The following P2RX7 variants were observed in gnomAD, a reference collection of about 807,000 sequenced individuals.
P2RX7 encodes the protein purinergic receptor P2X 7, also known as P2X purinoceptor 7.
P2RX7 carries 62 observed loss-of-function variants against 71.6 expected under a neutral mutation model. The observed-to-expected ratio is 0.87, with a 90% CI of 0.71 to 1.07. The LOEUF (loss-of-function observed/expected upper bound fraction) is 1.07. Among genes scored for constraint, P2RX7 ranks in the 50% least tolerant of loss-of-function variants. The pLI, the probability that P2RX7 is intolerant of heterozygous loss-of-function variation, is 0.00. For missense variants in P2RX7, 686 were observed against 748.5 expected (o/e 0.92, Z 0.97); for synonymous variants, 299 against 283.3 (o/e 1.06, Z -0.56).
At position 121,167,297 on chromosome 12, in the gene P2RX7, G is replaced by C. The variant is rs558000955; in HGVS notation, c.745-191G>C. Among the ~76,000 whole-genome samples the C allele has an allele frequency of 3.9e-5, 6 of 152,240 alleles. No homozygotes were observed. The South Asian group carries it at 1.0e-3, about 26-fold the overall frequency. On this transcript the variant is annotated intron_variant, in intron 7 of 12. Transcript: ENST00000328963. ...GTGATGTGTCCCAGACGGGGGTAGG[G>C]AGAGTGAGGAGATGCGATTGTGGCT...
chr12:121,158,322 G>A (rs1878991952), intron 3 of P2RX7, among the ~76,000 whole-genome samples: 1 of 152,178 alleles, frequency 6.6e-6, no homozygotes, highest in East Asian at 1.9e-4. Context: ...TCAAGGAGCT[G>A]CAGTCAGATG....
chr12:121,181,304 C>G (rs1025145977), intron 12 of P2RX7, among the ~76,000 whole-genome samples: 5 of 152,202 alleles, frequency 3.3e-5, no homozygotes, highest in African/African-American at 1.2e-4. Flanking sequence ...AGCCATCCTA[C>G]TGTTGATGGA....
At position 121,167,480 on chromosome 12, in the gene P2RX7, T is replaced by A; in HGVS notation, c.745-8T>A. The A allele has an allele frequency of 2.5e-6, 4 of 1,613,798 alleles. No homozygotes were observed. The highest frequency in any genetic ancestry group is 8.5e-7 in the Non-Finnish European group (1 of 1,179,850). ...AGCCATAGAGACTGTCCCTTGTTGA[T>A]CCTTCAGGGCGGAATAATGGGCATT... On this transcript the variant is annotated splice_region_variant and splice_polypyrimidine_tract_variant and intron_variant, in intron 7 of 12. Coordinates refer to ENST00000328963, the MANE Select transcript of P2RX7 (RefSeq NM_002562.6).
intron 8 of P2RX7, among the ~76,000 whole-genome samples, chr12:121,173,199 T>TGTTC (rs888574263): frequency 6.6e-6 from 1 of 152,024 alleles, no homozygotes; most frequent in African/African-American, 2.4e-5. Flanking sequence ...TTTGTTTGTT[T>TGTTC]GTTTGAGAGG....
intron 8 of P2RX7, among the ~76,000 whole-genome samples, chr12:121,171,287 T>G (rs1882120515): frequency 6.6e-6 from 1 of 151,862 alleles, no homozygotes; most frequent in African/African-American, 2.4e-5. Context: ...CATAACTTTA[T>G]AGCAGCGTCC....
chr12:121,175,324 A>AAAAAAAAAAC (rs1882915769), intron 8 of P2RX7, 64 bp from the exon 9 acceptor site: 4 of 1,023,516 alleles, frequency 3.9e-6, no homozygotes, highest in Non-Finnish European at 4.4e-6. Context: ...AAAAAAAAAA[A>AAAAAAAAAAC]AAAAACCCAA....
At chr12:121,162,589 T>C in intron 5 of P2RX7, 69 bp downstream of exon 5, 1 of 1,569,190 alleles carries the variant, frequency 6.4e-7, no homozygotes, top group Non-Finnish European at 8.6e-7. Context: ...CCGAGGCTGC[T>C]TGGGCCTTCC....
At position 121,167,575 on chromosome 12, in the gene P2RX7, C is replaced by G. The variant is rs1253444257; in HGVS notation, c.832C>G (p.Leu278Val). 6.2e-7 allele frequency: 1 copy of G among 1,611,940 alleles called. No homozygotes were observed. The highest frequency in any genetic ancestry group is 8.5e-7 in the Non-Finnish European group (1 of 1,178,962). Residue 278 changes from leucine to valine, a missense_variant, in exon 8 of 13, where the codon CTT (leucine) becomes GTT (valine). Leu to Val is a conservative substitution (Grantham distance 32). Transcript: ENST00000328963. ...HCRPKYSFRR[L>V]DDKTTNVSLY... ...CCGTCCCAAATACAGTTTCCGTCGC[C>G]TTGACGACAAGACCACCAACGTGTC...
rs202032715 is a variant in P2RX7 at position 121,162,534 on chromosome 12, G to A, written c.533+14G>A. The A allele has an allele frequency of 6.0e-5, 96 of 1,610,952 alleles. No individual in the cohort carries two copies. Among genetic ancestry groups the A allele is most frequent in the South Asian group, 3.3e-4 (30 of 91,012 alleles). ...AGAGGCCCCCCGGTGAGTCGCATGG[G>A]GAGACAGACACAGTGGCCCTCAGCG... On this transcript the variant is annotated intron_variant, in intron 5 of 12. Transcript: ENST00000328963.
At chr12:121,141,941 T>C (rs1593004960) in intron 1 of P2RX7, among the ~76,000 whole-genome samples, 1 of 152,252 alleles carries the variant, frequency 6.6e-6, no homozygotes, top group African/African-American at 2.4e-5. Flanking sequence ...TTTCCAAACA[T>C]ATGCCCCAGG....
intron 8 of P2RX7, 147 bp downstream of exon 8, chr12:121,167,771 T>A (rs553278761): frequency 1.6e-6 from 1 of 636,540 alleles, no homozygotes; most frequent in Middle Eastern, 2.8e-4. Context: ...TTTTCCATAA[T>A]TTTTTAAAAT....
rs1450305455 is a variant in P2RX7 at position 121,170,664 on chromosome 12, C to T, written c.881+3040C>T. On this transcript the variant is annotated intron_variant, in intron 8 of 12. Transcript: ENST00000328963. ...GTGACAGGTGCCTGTAATACAGCTA[C>T]TGGGAGGCTGAGGCAGGGAGAACTG... 3.3e-5 allele frequency among the ~76,000 whole-genome samples: 5 copies of T among 152,086 alleles called. No homozygotes were observed. The South Asian group carries it at 6.2e-4, about 19-fold the overall frequency.
intron 1 of P2RX7, among the ~76,000 whole-genome samples, chr12:121,153,752 A>G (rs1877973564): frequency 6.6e-6 from 1 of 152,046 alleles, no homozygotes; most frequent in African/African-American, 2.4e-5. Flanking sequence ...ACTATCTCCT[A>G]CTGTTGTGAC....
At position 121,153,057 on chromosome 12, in the gene P2RX7, A is replaced by G. The variant is rs531353184; in HGVS notation, c.126-1728A>G. 1.7e-4 allele frequency among the ~76,000 whole-genome samples: 26 copies of G among 152,324 alleles called. No homozygotes were observed. The South Asian group carries it at 5.4e-3, about 32-fold the overall frequency. ...ATTGTCAAATCTGAGCTATCTTTTC[A>G]GGAGCCTACTACTGGTTCTCAGCCC... On this transcript the variant is annotated intron_variant, in intron 1 of 12. Transcript: ENST00000328963.
intron 11 of P2RX7, among the ~76,000 whole-genome samples, chr12:121,178,791 CAAAAAAAA>C (rs386377968): frequency 3.0e-5 from 2 of 66,522 alleles, no homozygotes; most frequent in African/African-American, 1.2e-4. Context: ...AACTCTGTCT[CAAAAAAAA>C]AAAAAAAAAA....
At position 121,154,291 on chromosome 12, in the gene P2RX7, A is replaced by C. The variant is rs1480138225; in HGVS notation, c.126-494A>C. ...GGCAACAAGAGCAAAACTCTGTTTCAAAAAAAAAAAAAGAGAGAGAGAGAG... is the reference window on the plus strand; with the variant it reads ...GGCAACAAGAGCAAAACTCTGTTTCCAAAAAAAAAAAAGAGAGAGAGAGAG... On this transcript the variant is annotated intron_variant, in intron 1 of 12. Transcript: ENST00000328963. This position sits in a 1 kb window ranked among gnomAD's most constrained non-coding sequence, Gnocchi z 4.2. Among the ~76,000 whole-genome samples the C allele has an allele frequency of 9.0e-6, 1 of 110,584 alleles. No individual in the cohort carries two copies. Among genetic ancestry groups the C allele is most frequent in the Non-Finnish European group, 1.8e-5 (1 of 54,088 alleles). 72.5% of individuals were successfully genotyped at this position (110,584 alleles called of 152,430 possible).
chr12:121,176,360 A>T (rs1319025241), intron 9 of P2RX7, among the ~76,000 whole-genome samples: 1 of 152,200 alleles, frequency 6.6e-6, no homozygotes, highest in Non-Finnish European at 1.5e-5. Context: ...ATCCCACGAC[A>T]TCCTGTCCAA....
intron 1 of P2RX7, among the ~76,000 whole-genome samples, chr12:121,135,016 G>C (rs1358752197): frequency 1.3e-5 from 2 of 151,876 alleles, no homozygotes; most frequent in Admixed American, 1.3e-4. Flanking sequence ...CATAGGATAA[G>C]AGCTCCATAA....
intron 8 of P2RX7, among the ~76,000 whole-genome samples, chr12:121,169,951 T>C (rs919276393): frequency 6.6e-6 from 1 of 151,982 alleles, no homozygotes; most frequent in African/African-American, 2.4e-5. Context: ...TGGTCCTATT[T>C]AGAAAGGGGC....
Sources: allele counts gnomAD v4.1 joint callset (sites outside exome capture counted in the v4.1 genomes callset), GRCh38; gene constraint gnomAD v4.1.1; non-coding constraint Gnocchi (gnomAD v3.1); transcripts MANE v1.5; gene names NCBI Gene and HGNC (gene_info 2026-07-23, HGNC 2026-07-21).